The following ADAMTS6 variants were observed in gnomAD, a reference collection of about 807,000 sequenced individuals.
ADAMTS6 encodes the protein A disintegrin and metalloproteinase with thrombospondin motifs 6.
Under a neutral mutation model 144.3 loss-of-function variants are expected in ADAMTS6, and 23 were observed. That is an observed-to-expected ratio of 0.16 (90% confidence interval 0.11 to 0.23). The LOEUF (loss-of-function observed/expected upper bound fraction) is 0.23, where lower values mean the gene tolerates loss of function less well. Ranked by LOEUF, ADAMTS6 falls within the 10% of genes least tolerant of loss-of-function variation. ADAMTS6 has a pLI of 1.00. For missense variants in ADAMTS6, 999 were observed against 1,379.6 expected (o/e 0.72, Z 4.37); for synonymous variants, 444 against 457.5 (o/e 0.97, Z 0.38).
chr5:65,225,995 T>A lies in ADAMTS6; in HGVS notation c.2067+91A>T, dbSNP rs574163556. On this transcript the variant is annotated intron_variant, in intron 16 of 24. Transcript: ENST00000381055. ...TCTCTAAAATGTGGTCCCCTTTTTT[T>A]AAAAAATTAAACATAGTATTAAATA... 1.6e-4 allele frequency: 211 copies of A among 1,345,182 alleles called. No homozygotes were observed. In the African/African-American group the frequency reaches 1.9e-3, roughly 12 times the overall value. 83.3% of individuals were successfully genotyped at this position (1,345,182 alleles called of 1,614,324 possible). A position where few individuals can be genotyped will look rare whatever the true frequency, so the allele number is the denominator to read the frequency against.
intron 7 of ADAMTS6, among the ~76,000 whole-genome samples, chr5:65,401,672 G>A (rs1753925986): frequency 1.3e-5 from 2 of 152,114 alleles, no homozygotes; most frequent in African/African-American, 4.8e-5. Flanking sequence ...GGAGGTTTCT[G>A]CTCTGATATG....
At chr5:65,392,963 A>T (rs903875454) in intron 7 of ADAMTS6, among the ~76,000 whole-genome samples, 1 of 152,136 alleles carries the variant, frequency 6.6e-6, no homozygotes. Context: ...TGCCAACTCT[A>T]CCAAATTTTC....
chr5:65,279,652 T>C (rs1053659282), intron 11 of ADAMTS6, among the ~76,000 whole-genome samples: 4 of 152,186 alleles, frequency 2.6e-5, no homozygotes, highest in African/African-American at 9.7e-5. Context: ...TTTATTTATC[T>C]ACTTGAGATT....
intron 7 of ADAMTS6, among the ~76,000 whole-genome samples, chr5:65,369,774 A>T (rs1308533185): frequency 6.6e-6 from 1 of 152,194 alleles, no homozygotes; most frequent in Non-Finnish European, 1.5e-5. Flanking sequence ...AATATGAGCT[A>T]TCTGGCTTCT....
chr5:65,265,472 T>C (rs1761542007), intron 12 of ADAMTS6, among the ~76,000 whole-genome samples: 1 of 152,090 alleles, frequency 6.6e-6, no homozygotes, highest in South Asian at 2.1e-4. Flanking sequence ...TCCAGTTTTG[T>C]GGTTTTCTTA....
chr5:65,184,216 T>G (rs1754533340), intron 22 of ADAMTS6, among the ~76,000 whole-genome samples: 1 of 152,196 alleles, frequency 6.6e-6, no homozygotes, highest in South Asian at 2.1e-4. Flanking sequence ...GAAGCAAAAA[T>G]ATATTTTGCA....
chr5:65,257,608 T>A (rs921496099), intron 14 of ADAMTS6, among the ~76,000 whole-genome samples: 5 of 152,232 alleles, frequency 3.3e-5, no homozygotes, highest in African/African-American at 1.2e-4. Context: ...TCCATTCTCA[T>A]CTAAAGCATC....
intron 20 of ADAMTS6, among the ~76,000 whole-genome samples, chr5:65,205,454 T>A (rs1237378264): frequency 1.3e-5 from 2 of 152,244 alleles, no homozygotes; most frequent in Non-Finnish European, 1.5e-5. Context: ...TCTCTTTTAG[T>A]CAGCTATTAG....
intron 7 of ADAMTS6, among the ~76,000 whole-genome samples, chr5:65,343,399 G>A (rs927406606): frequency 1.3e-5 from 2 of 151,860 alleles, no homozygotes; most frequent in Admixed American, 6.6e-5. Flanking sequence ...ACGTATATAC[G>A]GCCAATTGAT....
chr5:65,160,087 C>T (rs1181089086), intron 24 of ADAMTS6, among the ~76,000 whole-genome samples: 36 of 152,184 alleles, frequency 2.4e-4, no homozygotes, highest in Admixed American at 2.3e-3. Flanking sequence ...TCTCAACATT[C>T]TATCTGTGGC....
At chr5:65,309,523 A>G (rs1744274556) in intron 9 of ADAMTS6, among the ~76,000 whole-genome samples, 1 of 151,784 alleles carries the variant, frequency 6.6e-6, no homozygotes, top group Admixed American at 6.6e-5. Flanking sequence ...TCCCTTGCTT[A>G]CCTGCAGCTG....
intron 15 of ADAMTS6, among the ~76,000 whole-genome samples, chr5:65,238,376 G>A (rs575861223): frequency 2.0e-5 from 3 of 152,252 alleles, no homozygotes; most frequent in African/African-American, 7.2e-5. Context: ...GTCGAGTCAT[G>A]TGGATCACTT....
intron 9 of ADAMTS6, among the ~76,000 whole-genome samples, chr5:65,321,944 G>A (rs1397200906): frequency 6.6e-6 from 1 of 151,754 alleles, no homozygotes; most frequent in African/African-American, 2.4e-5. Context: ...TCAAACTCCT[G>A]ACCTCAGGTG....
chr5:65,453,071 T>C (rs1758876788), intron 4 of ADAMTS6, among the ~76,000 whole-genome samples, 153 bp from the exon 5 acceptor site: 2 of 149,440 alleles, frequency 1.3e-5, no homozygotes, highest in African/African-American at 2.5e-5. Context: ...GAAAAAAGTC[T>C]GTAAATTTTT....
chr5:65,380,364 T>C (rs1751942825), intron 7 of ADAMTS6, among the ~76,000 whole-genome samples: 1 of 151,860 alleles, frequency 6.6e-6, no homozygotes, highest in Admixed American at 6.6e-5. Flanking sequence ...TCGAGGTCAG[T>C]ATTTTGAGGC....
At chr5:65,328,638 A>G (rs1165589730) in intron 9 of ADAMTS6, among the ~76,000 whole-genome samples, 2 of 152,054 alleles carry the variant, frequency 1.3e-5, no homozygotes, top group Non-Finnish European at 2.9e-5. Context: ...GAGGCAAGTC[A>G]TCTTTCAGTC....
At chr5:65,317,632 C>G (rs1263292518) in intron 9 of ADAMTS6, among the ~76,000 whole-genome samples, 2 of 151,922 alleles carry the variant, frequency 1.3e-5, no homozygotes, top group South Asian at 4.2e-4. Flanking sequence ...ACCCACAGAA[C>G]GGGAGAAAAT....
At chr5:65,153,740 A>G (rs1331974513) in intron 24 of ADAMTS6, among the ~76,000 whole-genome samples, 1 of 152,226 alleles carries the variant, frequency 6.6e-6, no homozygotes, top group African/African-American at 2.4e-5. Flanking sequence ...CTGGGGAACA[A>G]CTTCATTAGA....
At chr5:65,410,994 C>T (rs570462761) in intron 7 of ADAMTS6, among the ~76,000 whole-genome samples, 3 of 152,166 alleles carry the variant, frequency 2.0e-5, no homozygotes, top group Non-Finnish European at 4.4e-5. Flanking sequence ...CACACCACCA[C>T]GCTCAGCTAA....
Sources: allele counts gnomAD v4.1 joint callset (sites outside exome capture counted in the v4.1 genomes callset), GRCh38; gene constraint gnomAD v4.1.1; transcripts MANE v1.5; gene names NCBI Gene and HGNC (gene_info 2026-07-23, HGNC 2026-07-21).